Variants in DISP1 observed in about 807,000 individuals in gnomAD.
DISP1 encodes protein dispatched homolog 1.
DISP1 carries 30 observed loss-of-function variants against 37.3 expected under a neutral mutation model. That is an observed-to-expected ratio of 0.80 (90% CI 0.60 to 1.09). The LOEUF (loss-of-function observed/expected upper bound fraction) is 1.09, where lower values mean the gene tolerates loss of function less well. Among genes scored for constraint, DISP1 ranks in the 50% least tolerant of loss-of-function variants. The pLI is 0.00. For missense variants in DISP1, 1,598 were observed against 1,879.5 expected (o/e 0.85, Z 2.77); for synonymous variants, 634 against 690.2 (o/e 0.92, Z 1.28).
chr1:222,942,683 C>G, intron 2 of DISP1, 124 bp from the exon 3 acceptor site: 3 of 1,091,738 alleles, frequency 2.7e-6, no homozygotes, highest in Non-Finnish European at 4.0e-6. Flanking sequence ...GAATTTCTAC[C>G]ACTGTCTCAC....
At chr1:222,948,455 G>A (rs1308112716) in intron 3 of DISP1, among the ~76,000 whole-genome samples, 2 of 152,196 alleles carry the variant, frequency 1.3e-5, no homozygotes, top group African/African-American at 4.8e-5. Context: ...GGGAAAGTCT[G>A]CACAGGATGT....
chr1:222,816,851 A>G (rs1013993774), intron 1 of DISP1, among the ~76,000 whole-genome samples: 2 of 150,936 alleles, frequency 1.3e-5, no homozygotes, highest in Non-Finnish European at 3.0e-5. Flanking sequence ...TAATTTCTGT[A>G]TATGTCTCAA....
intron 1 of DISP1, among the ~76,000 whole-genome samples, chr1:222,818,197 A>G (rs1403240586): frequency 6.6e-6 from 1 of 152,188 alleles, no homozygotes; most frequent in African/African-American, 2.4e-5. Flanking sequence ...AGGGGTCTTG[A>G]TGGTGGGAGC....
At chr1:222,936,889 A>C (rs1445541221) in intron 2 of DISP1, among the ~76,000 whole-genome samples, 1 of 33,396 alleles carries the variant, frequency 3.0e-5, no homozygotes, top group South Asian at 6.8e-4. Flanking sequence ...GATATATATA[A>C]TATATTATTT....
chr1:222,834,831 A>G (rs1666640504), intron 1 of DISP1, among the ~76,000 whole-genome samples: 1 of 151,954 alleles, frequency 6.6e-6, no homozygotes, highest in African/African-American at 2.4e-5. Context: ...AACTTACTTG[A>G]CTCTGTTTTT....
intron 1 of DISP1, among the ~76,000 whole-genome samples, chr1:222,847,885 ATCTTTC>A (rs1399535625): frequency 3.3e-5 from 5 of 152,148 alleles, no homozygotes; most frequent in Non-Finnish European, 7.4e-5. Flanking sequence ...AGTTTTGTCC[ATCTTTC>A]TCTTTTTTAA....
At position 222,893,303 on chromosome 1, in the gene DISP1, G is replaced by A. The variant is rs1310367792; in HGVS notation, c.-158-35127G>A. Among the ~76,000 whole-genome samples the A allele has an allele frequency of 6.6e-6, 1 of 152,146 alleles. No individual in the cohort carries two copies. The highest frequency in any genetic ancestry group is 1.5e-5 in the Non-Finnish European group (1 of 68,028). On this transcript the variant is annotated intron_variant, in intron 1 of 8. Coordinates refer to ENST00000675850, the MANE Select transcript of DISP1 (RefSeq NM_001377229.1). This position sits in a 1 kb window ranked among gnomAD's most constrained non-coding sequence, Gnocchi z 4.3. ...ATAATAATTACTGTCACTCATTATTGTCATGGGATCCTTGGGATGTTACTT... is the reference window on the plus strand; with the variant it reads ...ATAATAATTACTGTCACTCATTATTATCATGGGATCCTTGGGATGTTACTT...
intron 1 of DISP1, among the ~76,000 whole-genome samples, chr1:222,871,656 G>T (rs1302765916): frequency 2.0e-5 from 3 of 152,242 alleles, no homozygotes; most frequent in African/African-American, 7.2e-5. Context: ...AGACTTTGCT[G>T]AAGTTGCTTA....
At chr1:222,929,698 T>C (rs1329266833) in intron 2 of DISP1, among the ~76,000 whole-genome samples, 1 of 152,116 alleles carries the variant, frequency 6.6e-6, no homozygotes, top group Non-Finnish European at 1.5e-5. Flanking sequence ...CTGCTTCCCA[T>C]GGTTTTAATA....
At chr1:222,943,566 A>G (rs1388173972) in intron 3 of DISP1, 1 of 599,510 alleles carries the variant, frequency 1.7e-6, no homozygotes. Flanking sequence ...CCCTGTCTGC[A>G]AACTGGTTAG....
rs1672697964 is a variant in DISP1, at chr1:222,919,553, C to T, written c.-158-8877C>T. On this transcript the variant is annotated intron_variant, in intron 1 of 8. Transcript: ENST00000675850. ...CCTGATCTCTTCTTTAAAACAGTTG[C>T]TTTTGTTTTAAGTTTTCATTTCTGC... is the stretch of plus-strand genomic sequence containing the variant. Among the ~76,000 whole-genome samples, 4 of 152,118 alleles carry T rather than the reference C, an allele frequency of 2.6e-5. No homozygotes were observed. In the South Asian group the frequency reaches 8.3e-4, roughly 31 times the overall value.
intron 1 of DISP1, among the ~76,000 whole-genome samples, chr1:222,905,279 A>G (rs1671833417): frequency 6.6e-6 from 1 of 152,198 alleles, no homozygotes; most frequent in Non-Finnish European, 1.5e-5. Context: ...GGAATGGAAA[A>G]CATACACCTG....
In DISP1 at chr1:223,002,567, A is replaced by G. The variant is rs775816983; in HGVS notation, c.1170A>G (p.Gln390=). 1 of 1,614,192 alleles carries G rather than the reference A, an allele frequency of 6.2e-7. No individual in the cohort carries two copies. Among genetic ancestry groups the G allele is most frequent in the Non-Finnish European group, 8.5e-7 (1 of 1,180,024 alleles). The change falls in exon 9 of 9, where the codon CAA becomes CAG. Residue 390 remains glutamine (Q), a synonymous_variant. Coordinates refer to ENST00000675850, the MANE Select transcript of DISP1 (RefSeq NM_001377229.1). ...TTCGGACTTGTGCCAAACACTACCA[A>G]AATGGCACTCTGGGGCCAGACTGCT... The part of the protein sequence containing the change: ...KLLRTCAKHY[Q]NGTLGPDCWD...
At chr1:222,973,136 G>A (rs1382179216) in intron 3 of DISP1, among the ~76,000 whole-genome samples, 2 of 152,128 alleles carry the variant, frequency 1.3e-5, no homozygotes, top group Non-Finnish European at 2.9e-5. Context: ...CCCAAATTAT[G>A]TAGAAGTGAG....
chr1:222,939,176 G>T (rs1398215591), intron 2 of DISP1, among the ~76,000 whole-genome samples: 1 of 151,990 alleles, frequency 6.6e-6, no homozygotes, highest in Non-Finnish European at 1.5e-5. Context: ...TCATTTGTAA[G>T]TCAGTTATTT....
chr1:222,930,989 G>A (rs1673355909), intron 2 of DISP1, among the ~76,000 whole-genome samples: 2 of 152,016 alleles, frequency 1.3e-5, no homozygotes, highest in Admixed American at 6.6e-5. Flanking sequence ...CTGCAGGGAA[G>A]AACCCATTTG....
chr1:222,890,589 A>C (rs182996036), intron 1 of DISP1, among the ~76,000 whole-genome samples: 1 of 152,182 alleles, frequency 6.6e-6, no homozygotes, highest in Non-Finnish European at 1.5e-5. Flanking sequence ...GGAAGAAGTA[A>C]CATTTGAGCT....
intron 4 of DISP1, among the ~76,000 whole-genome samples, chr1:222,985,722 C>G (rs1413361834): frequency 6.6e-6 from 1 of 152,092 alleles, no homozygotes; most frequent in Non-Finnish European, 1.5e-5. Flanking sequence ...GTGTGCCTGT[C>G]TTATTTTCTG....
intron 1 of DISP1, among the ~76,000 whole-genome samples, chr1:222,920,612 C>A (rs1672759865): frequency 6.6e-6 from 1 of 152,084 alleles, no homozygotes; most frequent in Non-Finnish European, 1.5e-5. Context: ...AATAAACTAA[C>A]CTGCTTGAGT....
Sources: gnomAD v4.1 joint callset for allele counts (sites outside exome capture counted in the v4.1 genomes callset) on GRCh38, gnomAD v4.1.1 for gene constraint, Gnocchi (gnomAD v3.1) non-coding constraint, MANE v1.5 for transcripts, NCBI Gene and HGNC (gene_info 2026-07-23, HGNC 2026-07-21) for gene names.